DPP6: variants seen among roughly 807,000 people sequenced by gnomAD.
The protein encoded by DPP6 is dipeptidyl peptidase like 6, also known as A-type potassium channel modulatory protein DPP6.
Under a neutral mutation model 122.6 loss-of-function variants are expected in DPP6, and 69 were observed. That is an observed-to-expected ratio of 0.56 (90% confidence interval 0.46 to 0.69). DPP6 has a LOEUF of 0.69. Ranked by LOEUF, DPP6 falls within the 30% of genes least tolerant of loss-of-function variation. The pLI, the probability that DPP6 is intolerant of heterozygous loss-of-function variation, is 0.00. For missense variants in DPP6, 928 were observed against 1,116.9 expected, an observed-to-expected ratio of 0.83 and a Z score of 2.41; for synonymous variants, 418 against 433.1, an observed-to-expected ratio of 0.97 and a Z score of 0.43.
intron 1 of DPP6, among the ~76,000 whole-genome samples, chr7:154,067,797 T>C (rs1037170844): frequency 7.2e-5 from 11 of 152,018 alleles, no homozygotes; most frequent in African/African-American, 2.4e-4. Flanking sequence ...CAGGCTGCAG[T>C]GTAGTGGTAT....
chr7:153,922,022 C>T (rs948883591), intron 1 of DPP6, among the ~76,000 whole-genome samples: 6 of 152,194 alleles, frequency 3.9e-5, no homozygotes, highest in Non-Finnish European at 7.3e-5. Context: ...CGGCTTTGCA[C>T]GTCAGGCCCA....
chr7:153,885,116 G>GTGGTAAA (rs10693546), upstream of DPP6, among the ~76,000 whole-genome samples: 505 of 149,816 alleles, frequency 3.4e-3, 5 homozygotes, highest in African/African-American at 0.012. Flanking sequence ...ATGCTTGGTG[G>GTGGTAAA]GAAAGAGAGG....
chr7:154,019,905 A>G (rs1203830316), intron 1 of DPP6, among the ~76,000 whole-genome samples: 2 of 152,136 alleles, frequency 1.3e-5, no homozygotes, highest in Admixed American at 6.6e-5. Flanking sequence ...CTTGGAGCTC[A>G]TATAAGAGTC....
chr7:154,515,775 G>T (rs1826444483), intron 3 of DPP6, among the ~76,000 whole-genome samples: 1 of 152,064 alleles, frequency 6.6e-6, no homozygotes. Context: ...CGCCTGGCCT[G>T]TTTCTTTATG....
rs556074141 is a variant in DPP6 at position 154,173,060 on chromosome 7, C to T, written c.243+119997C>T. Among the ~76,000 whole-genome samples, 11 of 152,274 alleles carry T rather than the reference C, an allele frequency of 7.2e-5. No individual in the cohort carries two copies. The East Asian group carries it at 2.1e-3, about 29-fold the overall frequency. On this transcript the variant is annotated intron_variant, in intron 1 of 25. Transcript: ENST00000377770. Reference sequence around the variant, plus strand: ...ATTTAAAACAATGTTAGGAGTGAATCGCTTTCCTGGTGGGTTATGTTAGAA... The same window carrying T: ...ATTTAAAACAATGTTAGGAGTGAATTGCTTTCCTGGTGGGTTATGTTAGAA...
rs904844809 is a variant in DPP6, at chr7:154,877,305, C to T, written c.2078+1205C>T. On this transcript the variant is annotated intron_variant, in intron 20 of 25. Transcript: ENST00000377770. The surrounding 1 kb of genome is among the most constrained non-coding windows in gnomAD (Gnocchi z 5.2). ...AAACCCGTGTTGCAGCTGGGAAATA[C>T]GGAGCGGGAGAGCTCTCAGGACTCA... Among the ~76,000 whole-genome samples the T allele has an allele frequency of 4.6e-5, 7 of 152,120 alleles. No homozygotes were observed. Among genetic ancestry groups the T allele is most frequent in the Non-Finnish European group, 4.4e-5 (3 of 68,000 alleles).
the DPP6 span, among the ~76,000 whole-genome samples, chr7:153,809,866 G>C: frequency 2.1e-5 from 3 of 139,928 alleles, 1 homozygote; most frequent in South Asian, 7.1e-4. Context: ...TGAGTTAATT[G>C]ATGTGAGAAC....
chr7:153,784,306 A>G, the DPP6 span, among the ~76,000 whole-genome samples: 1 of 152,348 alleles, frequency 6.6e-6, no homozygotes, highest in East Asian at 1.9e-4. Context: ...CTTAGCATAA[A>G]TTTAATTGTA....
rs1041294909 is a variant in DPP6 at position 154,241,090 on chromosome 7, C to G, written c.243+188027C>G. The stretch of plus-strand genomic sequence containing the variant: ...CCGTTGATAAATAAATTGATGAAAA[C>G]CTTTTTTCTTACCATGTAACCACAT... On this transcript the variant is annotated intron_variant, in intron 1 of 25. Transcript: ENST00000377770. This position sits in a 1 kb window ranked among gnomAD's most constrained non-coding sequence, Gnocchi z 9.0. Among the ~76,000 whole-genome samples, 5 of 149,436 alleles carry G rather than the reference C, an allele frequency of 3.3e-5. No homozygotes were observed. Among genetic ancestry groups the G allele is most frequent in the African/African-American group, 1.3e-4 (5 of 39,016 alleles).
intron 6 of DPP6, among the ~76,000 whole-genome samples, chr7:154,647,167 TGG>T (rs1408590623): frequency 6.6e-6 from 1 of 152,142 alleles, no homozygotes; most frequent in Non-Finnish European, 1.5e-5. Context: ...ATGTGTGTGC[TGG>T]GGCCCCACCA....
At chr7:154,195,063 A>G (rs933469926) in intron 1 of DPP6, among the ~76,000 whole-genome samples, 1 of 152,158 alleles carries the variant, frequency 6.6e-6, no homozygotes, top group Non-Finnish European at 1.5e-5. Context: ...ATCTCTGCCT[A>G]GTAGAGAGGG....
intron 1 of DPP6, among the ~76,000 whole-genome samples, chr7:154,258,715 G>C (rs1802816144): frequency 6.6e-6 from 1 of 152,164 alleles, no homozygotes; most frequent in South Asian, 2.1e-4. Context: ...GAAATATACA[G>C]AGTTCTGCTC....
intron 8 of DPP6, among the ~76,000 whole-genome samples, chr7:154,751,107 A>G (rs376188878): frequency 3.9e-5 from 6 of 152,242 alleles, no homozygotes; most frequent in Middle Eastern, 6.8e-3. Flanking sequence ...TGTTAGGCAG[A>G]TGGATGTGCT....
chr7:154,658,056 A>G (rs1157362597), intron 6 of DPP6, among the ~76,000 whole-genome samples: 1 of 152,216 alleles, frequency 6.6e-6, no homozygotes, highest in Non-Finnish European at 1.5e-5. Flanking sequence ...TCGGCCGAGC[A>G]CACAGAGGTT....
intron 2 of DPP6, among the ~76,000 whole-genome samples, chr7:154,447,382 A>T (rs922356320): frequency 6.6e-6 from 1 of 152,182 alleles, no homozygotes; most frequent in East Asian, 1.9e-4. Flanking sequence ...TAACTGTTTT[A>T]TCCGTTCTCA....
intron 5 of DPP6, among the ~76,000 whole-genome samples, chr7:154,631,528 T>C (rs1835406845): frequency 6.6e-6 from 1 of 152,104 alleles, no homozygotes; most frequent in Non-Finnish European, 1.5e-5. Flanking sequence ...GGAGGCTGGG[T>C]GCAGTGTCTC....
chr7:154,187,287 A>ATT (rs1798395666), intron 1 of DPP6, among the ~76,000 whole-genome samples: 6 of 152,240 alleles, frequency 3.9e-5, no homozygotes, highest in African/African-American at 4.8e-5. Flanking sequence ...AGTGGGAATA[A>ATT]GAGCACAGTT....
intron 1 of DPP6, among the ~76,000 whole-genome samples, chr7:154,425,723 G>C (rs1470240004): frequency 2.0e-5 from 3 of 151,478 alleles, no homozygotes; most frequent in African/African-American, 4.9e-5. Context: ...GCTCACTGCA[G>C]CCTTGACCTT....
At chr7:154,338,926 T>C (rs1204480699) in intron 1 of DPP6, among the ~76,000 whole-genome samples, 1 of 152,220 alleles carries the variant, frequency 6.6e-6, no homozygotes, top group Admixed American at 6.5e-5. Flanking sequence ...TCCGTTTCTC[T>C]TACGGAGCAG....
Sources: gnomAD v4.1 joint callset for allele counts (sites outside exome capture counted in the v4.1 genomes callset) on GRCh38, gnomAD v4.1.1 for gene constraint, Gnocchi (gnomAD v3.1) non-coding constraint, MANE v1.5 for transcripts, NCBI Gene and HGNC (gene_info 2026-07-23, HGNC 2026-07-21) for gene names.